ECM2: variants seen among roughly 807,000 people sequenced by gnomAD.
ECM2 encodes the protein extracellular matrix protein 2.
Under a neutral mutation model 67.5 loss-of-function variants are expected in ECM2, and 57 were observed. The observed-to-expected ratio is 0.84, with a 90% CI of 0.68 to 1.05. ECM2 has a LOEUF of 1.05. ECM2 is among the 50% of genes least tolerant of loss of function. The pLI is 0.00. For synonymous variants in ECM2, 258 were observed against 294.5 expected (o/e 0.88, Z 1.27); for missense variants, 741 against 822.8 (o/e 0.90, Z 1.22).
intron 6 of ECM2, among the ~76,000 whole-genome samples, chr9:92,509,267 C>T (rs1012286083): frequency 1.3e-5 from 2 of 152,052 alleles, no homozygotes; most frequent in Non-Finnish European, 2.9e-5. Context: ...CAGCCCAAGC[C>T]CTCTCAGGCA....
In ECM2 at chr9:92,517,776, A is replaced by G. The variant is rs772183545; in HGVS notation, c.392T>C (p.Val131Ala). 9.9e-6 allele frequency: 16 copies of G among 1,614,132 alleles called. No homozygotes were observed. In the South Asian group the frequency reaches 1.6e-4, roughly 17 times the overall value. The change falls in exon 3 of 10, where the codon GTT becomes GCT. Residue 131 changes from valine (V) to alanine (A), a missense_variant. By Grantham distance (64) the Val-to-Ala change is moderately conservative. Coordinates refer to ENST00000344604, the MANE Select transcript of ECM2 (RefSeq NM_001393.4). Reference protein sequence around the residue: ...CTTCLCSDGRVLCDETMCHPQ... With the variant: ...CTTCLCSDGRALCDETMCHPQ... ...ATGGCACATGGTTTCATCACAAAGA[A>G]CTCTTCCATCTGAGCAGAGGCAGGT... is the stretch of plus-strand genomic sequence containing the variant.
the ECM2 span, among the ~76,000 whole-genome samples, chr9:92,558,805 C>G: frequency 3.4e-4 from 52 of 152,132 alleles, no homozygotes; most frequent in African/African-American, 1.2e-3. Context: ...GTGGGTCTTG[C>G]TGCGGCTGCT....
At chr9:92,552,089 GA>G in the ECM2 span, among the ~76,000 whole-genome samples, 46 of 136,512 alleles carry the variant, frequency 3.4e-4, 2 homozygotes, top group Admixed American at 6.5e-4. Flanking sequence ...TCATATATGT[GA>G]TATGATAGAT....
At chr9:92,539,242 G>C (rs991282692), upstream of ECM2, 1 of 152,140 alleles carries the variant, frequency 6.6e-6, no homozygotes, top group Non-Finnish European at 1.5e-5. Context: ...TCTAAGGACA[G>C]AGGCTAAACC....
rs181971507 is a variant in ECM2 at position 92,534,962 on chromosome 9, G to A, written c.-28+971C>T. 2.0e-5 allele frequency among the ~76,000 whole-genome samples: 3 copies of A among 152,296 alleles called. No individual in the cohort carries two copies. In the East Asian group the frequency reaches 5.8e-4, roughly 29 times the overall value. ...AGGGTCTCAGGCATCCTGCTGTCCT[G>A]AGGCATCCTGAAAGCACTCACTTAT... On this transcript the variant is annotated intron_variant, in intron 1 of 9. Coordinates refer to ENST00000344604, the MANE Select transcript of ECM2 (RefSeq NM_001393.4).
At chr9:92,509,346 C>T (rs1311809452) in intron 6 of ECM2, among the ~76,000 whole-genome samples, 2 of 152,170 alleles carry the variant, frequency 1.3e-5, no homozygotes, top group African/African-American at 4.8e-5. Flanking sequence ...GCATCTCAGC[C>T]GCATATGCAG....
chr9:92,536,165 A>G, upstream of ECM2: 2 of 378,200 alleles, frequency 5.3e-6, no homozygotes, highest in South Asian at 3.9e-5. Context: ...ATGGTTACCA[A>G]GGGAAATATT....
At chr9:92,525,452 A>G (rs962441767) in intron 1 of ECM2, among the ~76,000 whole-genome samples, 2 of 152,264 alleles carry the variant, frequency 1.3e-5, no homozygotes, top group African/African-American at 4.8e-5. Flanking sequence ...CAAATTGCAT[A>G]TACCATGATG....
At chr9:92,543,124 T>C in the ECM2 span, among the ~76,000 whole-genome samples, 1 of 152,156 alleles carries the variant, frequency 6.6e-6, no homozygotes, top group Non-Finnish European at 1.5e-5. Context: ...TACAGCTTTG[T>C]AGTATATTTT....
chr9:92,547,836 T>C, the ECM2 span, among the ~76,000 whole-genome samples: 1 of 152,230 alleles, frequency 6.6e-6, no homozygotes, highest in Non-Finnish European at 1.5e-5. Flanking sequence ...TGTTATTTTT[T>C]TAAATGGTGA....
In ECM2 at chr9:92,496,176, CTG is replaced by C; in HGVS notation, c.*137_*138del. The C allele has an allele frequency of 7.3e-7, 1 of 1,374,388 alleles. No individual in the cohort carries two copies. The highest frequency in any genetic ancestry group is 9.3e-7 in the Non-Finnish European group (1 of 1,069,986). 85.1% of individuals were successfully genotyped at this position (1,374,388 alleles called of 1,614,324 possible). ...TTTTAGGTATATTTTGGTTGTTCAT[CTG>C]TGTGTTAGTGAATCAGGTTGACTAG... On this transcript the variant is annotated 3_prime_UTR_variant, in exon 10 of 10. Coordinates refer to ENST00000344604, the MANE Select transcript of ECM2 (RefSeq NM_001393.4).
rs1306881696 is a variant in ECM2 at position 92,496,443 on chromosome 9, C to A, written c.1972G>T (p.Asp658Tyr). Residue 658 changes from aspartate (D) to tyrosine (Y), a missense_variant, in exon 10 of 10, where the codon GAT (aspartate) becomes TAT (tyrosine). Asp to Tyr is a radical substitution (Grantham distance 160). Transcript: ENST00000344604. ...TGAAGATGTTCCAGATTTGAGTCAT[C>A]ATCCTCTTCAGCATTGCAAATTTCT... ...PEEICNAEED[D>Y]DSNLEHLHLE... 1 of 1,608,964 alleles carries A rather than the reference C, an allele frequency of 6.2e-7. No individual in the cohort carries two copies. Among genetic ancestry groups the A allele is most frequent in the South Asian group, 1.1e-5 (1 of 89,664 alleles).
rs144230525 is a variant in ECM2 at position 92,518,960 on chromosome 9, T to C, written c.293-1085A>G. 3.3e-3 allele frequency among the ~76,000 whole-genome samples: 509 copies of C among 152,316 alleles called. 1 individual carries two copies. The highest frequency in any genetic ancestry group is 0.011 in the African/African-American group (467 of 41,574). On this transcript the variant is annotated intron_variant, in intron 2 of 9. Transcript: ENST00000344604. ...ATTTCCCTACATACAAGATTGTAGA[T>C]ATGTGGATAAGTGTATCAGCTAAGC...
Position 92,512,000 on chromosome 9 carries a change from C to T in ECM2, c.1170+11G>A, listed in dbSNP as rs141995151. ...ATTCATCCAAATAGACAAATCAGAG[C>T]ATGTATTTACCTTGAATGCTTTTGG... is the stretch of plus-strand genomic sequence containing the variant. On this transcript the variant is annotated intron_variant, in intron 5 of 9. Coordinates refer to ENST00000344604, the MANE Select transcript of ECM2 (RefSeq NM_001393.4). The T allele has an allele frequency of 1.3e-6, 2 of 1,584,484 alleles. No homozygotes were observed. Among genetic ancestry groups the T allele is most frequent in the African/African-American group, 1.4e-5 (1 of 73,448 alleles).
intron 2 of ECM2, among the ~76,000 whole-genome samples, chr9:92,518,391 G>A (rs914269120): frequency 6.6e-6 from 1 of 152,078 alleles, no homozygotes; most frequent in African/African-American, 2.4e-5. Context: ...GACTTCCCAA[G>A]CCGCCAGCCA....
At position 92,502,569 on chromosome 9, in the gene ECM2, T is replaced by A; in HGVS notation, c.1548A>T (p.Leu516=). ...NHTRKINVIV[L]RYNKIEENRI... ...TATTTTCTTCAATTTTGTTATAACG[T>A]AGTACAATGACATTGATCTTTCTGG... Residue 516 remains leucine (L), a synonymous_variant, in exon 8 of 10, where the codon CTA becomes CTT. Coordinates refer to ENST00000344604, the MANE Select transcript of ECM2 (RefSeq NM_001393.4). 1 of 1,612,454 alleles carries A rather than the reference T, an allele frequency of 6.2e-7. No homozygotes were observed. Among genetic ancestry groups the A allele is most frequent in the Non-Finnish European group, 8.5e-7 (1 of 1,179,014 alleles).
chr9:92,507,407 CTG>C (rs960930208), intron 6 of ECM2, among the ~76,000 whole-genome samples: 3 of 152,112 alleles, frequency 2.0e-5, no homozygotes, highest in South Asian at 4.1e-4. Context: ...CATTACATGA[CTG>C]AGAGAAAAAG....
intron 7 of ECM2, 148 bp from the exon 8 acceptor site, chr9:92,502,800 T>G: frequency 3.1e-6 from 2 of 642,746 alleles, no homozygotes; most frequent in Non-Finnish European, 2.3e-6. Context: ...TATTTTTAAG[T>G]TGTCTTTTTT....
At chr9:92,496,541 A>C (rs1176485129) in intron 9 of ECM2, 58 bp from the exon 10 acceptor site, 1 of 1,558,576 alleles carries the variant, frequency 6.4e-7, no homozygotes, top group Non-Finnish European at 8.6e-7. Context: ...TGCCTTTAGG[A>C]GTTAAGTTTA....
Sources: gnomAD v4.1 joint callset for allele counts (sites outside exome capture counted in the v4.1 genomes callset) on GRCh38, gnomAD v4.1.1 for gene constraint, MANE v1.5 for transcripts, NCBI Gene and HGNC (gene_info 2026-07-23, HGNC 2026-07-21) for gene names.